Variants in STIM2 observed in about 807,000 individuals in gnomAD.
The protein encoded by STIM2 is stromal interaction molecule 2.
A neutral mutation model predicts 85.8 loss-of-function variants in STIM2; 31 were observed. The ratio of observed to expected loss-of-function variants is 0.36; its 90% confidence interval spans 0.27 to 0.49. The LOEUF is 0.49. STIM2 is among the 20% of genes least tolerant of loss of function. The probability of loss-of-function intolerance (pLI) is 0.98; values close to 1 mark genes in which losing one functional copy is unlikely to be tolerated. For missense variants in STIM2, 841 were observed against 927.6 expected (o/e 0.91, Z 1.21); for synonymous variants, 356 against 331.1 (o/e 1.08, Z -0.82).
At chr4:26,902,956 A>G (rs1204427026) in intron 1 of STIM2, among the ~76,000 whole-genome samples, 1 of 152,134 alleles carries the variant, frequency 6.6e-6, no homozygotes, top group African/African-American at 2.4e-5. Context: ...TTAACTACCT[A>G]GATTTGTCTT....
chr4:26,919,010 G>A (rs1454504958), intron 1 of STIM2, among the ~76,000 whole-genome samples: 1 of 152,062 alleles, frequency 6.6e-6, no homozygotes, highest in Non-Finnish European at 1.5e-5. Context: ...GGAAACAAAA[G>A]GGTCATGTGA....
chr4:26,873,151 A>G (rs539454623), intron 1 of STIM2, among the ~76,000 whole-genome samples: 8 of 152,198 alleles, frequency 5.3e-5, no homozygotes, highest in African/African-American at 1.9e-4. Context: ...TGTAATCCCC[A>G]CACTTTGGGA....
intron 1 of STIM2, among the ~76,000 whole-genome samples, chr4:26,918,739 A>G (rs1297023879): frequency 6.6e-6 from 1 of 152,202 alleles, no homozygotes; most frequent in Non-Finnish European, 1.5e-5. Context: ...AGTAATTTCC[A>G]TCAGTCATGT....
At chr4:26,865,203 T>C (rs1346147960) in intron 1 of STIM2, among the ~76,000 whole-genome samples, 2 of 152,194 alleles carry the variant, frequency 1.3e-5, no homozygotes, top group African/African-American at 4.8e-5. Context: ...AGTTGTATTA[T>C]TGTTGCTAAC....
At chr4:27,002,504 A>C (rs1728192534) in intron 6 of STIM2, 110 bp downstream of exon 6, 2 of 717,476 alleles carry the variant, frequency 2.8e-6, no homozygotes, top group South Asian at 2.5e-5. Context: ...ACACATCAGG[A>C]ATAGATGCAT....
chr4:26,928,173 A>C (rs1482815741), intron 2 of STIM2, among the ~76,000 whole-genome samples: 1 of 152,052 alleles, frequency 6.6e-6, no homozygotes, highest in Non-Finnish European at 1.5e-5. Context: ...TCCTCTCCTG[A>C]GGGTTGGGCC....
chr4:26,977,203 A>T (rs903842580), intron 3 of STIM2, among the ~76,000 whole-genome samples: 2 of 152,150 alleles, frequency 1.3e-5, no homozygotes, highest in Non-Finnish European at 2.9e-5. Context: ...TACGGCTGAC[A>T]CAACCTTAAA....
chr4:26,861,397 G>A, intron 1 of STIM2, 28 bp downstream of exon 1: 1 of 1,283,816 alleles, frequency 7.8e-7, no homozygotes, highest in East Asian at 3.2e-5. Context: ...GGCGGGCGGG[G>A]CTCGGCCGGC....
intron 7 of STIM2, 25 bp from the exon 8 acceptor site, chr4:27,007,508 T>G (rs1009946322): frequency 1.4e-6 from 2 of 1,475,270 alleles, no homozygotes; most frequent in African/African-American, 1.4e-5. Context: ...TCTCCTTTCT[T>G]GCCTCCTTCC....
intron 3 of STIM2, among the ~76,000 whole-genome samples, chr4:26,986,750 T>A (rs1422002772): frequency 6.6e-6 from 1 of 152,234 alleles, no homozygotes; most frequent in African/African-American, 2.4e-5. Flanking sequence ...AAGTGAGATA[T>A]CAGGCAGACA....
chr4:27,015,779 G>T (rs927454163), intron 10 of STIM2, among the ~76,000 whole-genome samples: 36 of 128,664 alleles, frequency 2.8e-4, no homozygotes, highest in Non-Finnish European at 8.6e-5. Context: ...ATTGGGTGTG[G>T]ATTTAAACAG....
intron 3 of STIM2, among the ~76,000 whole-genome samples, chr4:26,986,807 A>AAAAAC (rs1283764819): frequency 6.6e-6 from 1 of 152,240 alleles, no homozygotes; most frequent in African/African-American, 2.4e-5. Flanking sequence ...ATTGATAATT[A>AAAAAC]AAAACAAAAC....
intron 4 of STIM2, 59 bp downstream of exon 4, chr4:26,995,549 A>G (rs1439621220): frequency 6.5e-6 from 7 of 1,076,358 alleles, no homozygotes; most frequent in Non-Finnish European, 9.4e-6. Context: ...GCTAGATGTC[A>G]TTTCCCCATA....
chr4:26,969,791 G>C (rs933486425), intron 3 of STIM2, among the ~76,000 whole-genome samples: 1 of 152,130 alleles, frequency 6.6e-6, no homozygotes, highest in African/African-American at 2.4e-5. Flanking sequence ...TGGTTTTCAA[G>C]GATGCCCCAA....
chr4:27,007,703 ACT>A lies in STIM2; in HGVS notation c.1149+8_1149+9del. 1 of 1,554,692 alleles carries A rather than the reference ACT, an allele frequency of 6.4e-7. No homozygotes were observed. The highest frequency in any genetic ancestry group is 8.7e-7 in the Non-Finnish European group (1 of 1,152,580). On this transcript the variant is annotated splice_donor_5th_base_variant and intron_variant, in intron 8 of 11. Coordinates refer to ENST00000467087, the MANE Select transcript of STIM2 (RefSeq NM_020860.4). ...AGCTAGCTATTGCTAAAGATGAGGT[ACT>A]CTCTTGTATTTCAAAATTTACTAAA...
intron 1 of STIM2, among the ~76,000 whole-genome samples, chr4:26,886,115 A>G (rs943568539): frequency 3.5e-4 from 53 of 152,058 alleles, no homozygotes; most frequent in Admixed American, 3.2e-3. Flanking sequence ...CGGGCAGAAC[A>G]TTTACTTTCA....
intron 1 of STIM2, among the ~76,000 whole-genome samples, chr4:26,885,869 A>ATATATATATATATG (rs1723224330): frequency 5.7e-5 from 6 of 105,206 alleles, no homozygotes; most frequent in Non-Finnish European, 1.0e-4. Context: ...ATATATATAT[A>ATATATATATATATG]TATATGTATA....
intron 2 of STIM2, among the ~76,000 whole-genome samples, chr4:26,935,314 C>T (rs1725355386): frequency 6.6e-6 from 1 of 152,102 alleles, no homozygotes; most frequent in Admixed American, 6.6e-5. Context: ...TTTTGGTTAC[C>T]TCTTCTTTGT....
chr4:26,970,184 G>A (rs1003310313), intron 3 of STIM2, among the ~76,000 whole-genome samples: 6 of 130,486 alleles, frequency 4.6e-5, no homozygotes, highest in Admixed American at 7.5e-5. Context: ...ATATTGTTTC[G>A]GTTTTAGTGT....
Sources: gnomAD v4.1 joint callset for allele counts (sites outside exome capture counted in the v4.1 genomes callset) on GRCh38, gnomAD v4.1.1 for gene constraint, MANE v1.5 for transcripts, NCBI Gene and HGNC (gene_info 2026-07-23, HGNC 2026-07-21) for gene names.